The following TRIP10 variants were observed in gnomAD, a reference collection of about 807,000 sequenced individuals.
TRIP10 encodes the protein cdc42-interacting protein 4.
Under a neutral mutation model 80.9 loss-of-function variants are expected in TRIP10, and 54 were observed. That is an observed-to-expected ratio of 0.67 (90% CI 0.54 to 0.84). The LOEUF is 0.84. Among genes scored for constraint, TRIP10 ranks in the 40% least tolerant of loss-of-function variants. The probability of loss-of-function intolerance (pLI) is 0.00; values close to 1 mark genes in which losing one functional copy is unlikely to be tolerated. For missense variants in TRIP10, 773 were observed against 815.3 expected (o/e 0.95, Z 0.63); for synonymous variants, 321 against 307.2 (o/e 1.04, Z -0.47).
Position 6,744,871 on chromosome 19 carries a change from C to T in TRIP10, c.861C>T (p.Phe287=). 6.2e-7 allele frequency: 1 copy of T among 1,614,250 alleles called. No individual in the cohort carries two copies. Among genetic ancestry groups the T allele is most frequent in the Non-Finnish European group, 8.5e-7 (1 of 1,180,048 alleles). The change falls in exon 9 of 15, where the codon TTC becomes TTT. Residue 287 remains phenylalanine (F), a synonymous_variant. Coordinates refer to ENST00000313244, the MANE Select transcript of TRIP10 (RefSeq NM_001288962.2). This position sits in a 1 kb window ranked among gnomAD's most constrained non-coding sequence, Gnocchi z 4.9. Reference sequence around the variant, plus strand: ...CGGGCGACGTGGAATTCGAGGACTTCAGCCAGCCCATGAACCGTGCACCCT... The same window carrying T: ...CGGGCGACGTGGAATTCGAGGACTTTAGCCAGCCCATGAACCGTGCACCCT... ...ARPGDVEFED[F]SQPMNRAPSD...
In TRIP10 at chr19:6,745,915, C is replaced by T. The variant is rs1190097383; in HGVS notation, c.985-114C>T. On this transcript the variant is annotated intron_variant, in intron 9 of 14. Transcript: ENST00000313244. The surrounding 1 kb of genome is among the most constrained non-coding windows in gnomAD (Gnocchi z 7.2). ...TTGTTTTTCCTTTTTCCTTTTTTTG[C>T]GTCCATCCGTCCATCCGTGCGTCCA... The T allele has an allele frequency of 1.4e-5, 17 of 1,230,254 alleles. No homozygotes were observed. The highest frequency in any genetic ancestry group is 8.1e-5 in the Admixed American group (2 of 24,768). 76.2% of individuals were successfully genotyped at this position (1,230,254 alleles called of 1,614,324 possible). A position where few individuals can be genotyped will look rare whatever the true frequency, so the allele number is the denominator to read the frequency against.
chr19:6,740,334 A>G (rs1446377982), intron 1 of TRIP10, among the ~76,000 whole-genome samples: 1 of 152,092 alleles, frequency 6.6e-6, no homozygotes, highest in African/African-American at 2.4e-5. Flanking sequence ...CCCCAGGCCC[A>G]GGGCGGGACC....
rs1398175315 is a variant in TRIP10, at chr19:6,741,287, G to T, written c.197+6G>T. 6.8e-6 allele frequency: 11 copies of T among 1,606,306 alleles called. No homozygotes were observed. The highest frequency in any genetic ancestry group is 1.7e-5 in the Admixed American group (1 of 58,242). On this transcript the variant is annotated splice_donor_region_variant and intron_variant, in intron 3 of 14. Coordinates refer to ENST00000313244, the MANE Select transcript of TRIP10 (RefSeq NM_001288962.2). The stretch of plus-strand genomic sequence containing the variant: ...AAGGATGATCCTGAGTCCAAGTAAG[G>T]TTGGAGAGGGGCTGCAGGGCTAGAT...
At position 6,746,542 on chromosome 19, in the gene TRIP10, CAGA is replaced by C; in HGVS notation, c.1246_1248del (p.Lys416del). On this transcript the variant is annotated inframe_deletion, in exon 11 of 15. Transcript: ENST00000313244. The surrounding 1 kb of genome is among the most constrained non-coding windows in gnomAD (Gnocchi z 6.2). ...GTTGGAAGAACGCAGTCGTGAACTTCAGAAGGAGGTTGACCAGAGGTAAGGTGG... is the reference window on the plus strand; with the variant it reads ...GTTGGAAGAACGCAGTCGTGAACTTCAGGAGGTTGACCAGAGGTAAGGTGG... 1 of 1,614,074 alleles carries C rather than the reference CAGA, an allele frequency of 6.2e-7. No homozygotes were observed. The highest frequency in any genetic ancestry group is 1.3e-5 in the African/African-American group (1 of 75,018).
At position 6,745,464 on chromosome 19, in the gene TRIP10, C is replaced by G. The variant is rs956828840; in HGVS notation, c.984+470C>G. Among the ~76,000 whole-genome samples, 2 of 152,170 alleles carry G rather than the reference C, an allele frequency of 1.3e-5. No individual in the cohort carries two copies. The highest frequency in any genetic ancestry group is 4.8e-5 in the African/African-American group (2 of 41,432). On this transcript the variant is annotated intron_variant, in intron 9 of 14. Coordinates refer to ENST00000313244, the MANE Select transcript of TRIP10 (RefSeq NM_001288962.2). The surrounding 1 kb of genome is among the most constrained non-coding windows in gnomAD (Gnocchi z 7.2). ...TCTTCACTTACACTCTCATACCTCT[C>G]CTTGACTTAACACCTGTGATCCCCG...
chr19:6,747,881 A>C (rs917709359), intron 11 of TRIP10, among the ~76,000 whole-genome samples: 1 of 151,922 alleles, frequency 6.6e-6, no homozygotes. Context: ...GGGTAGAAGG[A>C]TCACTCACTT....
In TRIP10 at chr19:6,751,160, G is replaced by T; in HGVS notation, c.1755G>T (p.Glu585Asp). ...GDGWTRVRRK[E>D]GGEGYVPTSY... The stretch of plus-strand genomic sequence containing the variant: ...GCTGGACCCGGGTCAGGCGGAAAGA[G>T]GGAGGCGAGGGCTACGTGCCCACCT... The change falls in exon 15 of 15, where the codon GAG (glutamate) becomes GAT (aspartate). Residue 585 changes from glutamate (E) to aspartate (D), a missense_variant. Glu to Asp is a conservative substitution (Grantham distance 45). Coordinates refer to ENST00000313244, the MANE Select transcript of TRIP10 (RefSeq NM_001288962.2). The T allele has an allele frequency of 1.9e-6, 3 of 1,613,866 alleles. No homozygotes were observed. Among genetic ancestry groups the T allele is most frequent in the Non-Finnish European group, 2.5e-6 (3 of 1,179,938 alleles).
At chr19:6,747,093 G>A (rs1034687482) in intron 11 of TRIP10, among the ~76,000 whole-genome samples, 6 of 152,220 alleles carry the variant, frequency 3.9e-5, no homozygotes, top group African/African-American at 1.4e-4. Context: ...GGAGGTTGAG[G>A]CAGGAGGATC....
At position 6,744,917 on chromosome 19, in the gene TRIP10, C is replaced by T. The variant is rs958434325; in HGVS notation, c.907C>T (p.Pro303Ser). Residue 303 changes from proline to serine, a missense_variant, in exon 9 of 15, where the codon CCC becomes TCC. Transcript: ENST00000313244. The surrounding 1 kb of genome is among the most constrained non-coding windows in gnomAD (Gnocchi z 4.9). ...ACCCTCCGACAGCAGTCTGGGCACC[C>T]CCTCGGATGGACGGCCTGAACTCCG... ...RAPSDSSLGT[P>S]SDGRPELRGP... 2 of 1,614,172 alleles carry T rather than the reference C, an allele frequency of 1.2e-6. No individual in the cohort carries two copies. Among genetic ancestry groups the T allele is most frequent in the Admixed American group, 3.3e-5 (2 of 60,026 alleles).
At position 6,750,326 on chromosome 19, in the gene TRIP10, GCAACCGGGGAGA is replaced by G; in HGVS notation, c.1433_1444del (p.Asn478_Asp481del). On this transcript the variant is annotated inframe_deletion, in exon 13 of 15. Coordinates refer to ENST00000313244, the MANE Select transcript of TRIP10 (RefSeq NM_001288962.2). ...GCAGAAGCTGAAAGTCGAGTCCTTA[GCAACCGGGGAGA>G]CAGCCTGAGCCGGCACGCCCGGCCT... The G allele has an allele frequency of 6.2e-7, 1 of 1,614,066 alleles. No individual in the cohort carries two copies. The highest frequency in any genetic ancestry group is 8.5e-7 in the Non-Finnish European group (1 of 1,180,012).
In TRIP10 at chr19:6,751,425, G is replaced by T; in HGVS notation, c.*214G>T. The T allele has an allele frequency of 8.6e-7, 1 of 1,158,784 alleles. No individual in the cohort carries two copies. The highest frequency in any genetic ancestry group is 3.4e-5 in the South Asian group (1 of 29,278). 71.8% of individuals were successfully genotyped at this position (1,158,784 alleles called of 1,614,324 possible). A position where few individuals can be genotyped will look rare whatever the true frequency, so the allele number is the denominator to read the frequency against. ...TTCCACCATTGATGTACATACTCAT[G>T]TTTTACATCTTTTCTTTCTGCCGCT... On this transcript the variant is annotated 3_prime_UTR_variant, in exon 15 of 15. Coordinates refer to ENST00000313244, the MANE Select transcript of TRIP10 (RefSeq NM_001288962.2).
In TRIP10 at chr19:6,744,001, C is replaced by T; in HGVS notation, c.642+165C>T. The T allele has an allele frequency of 1.1e-6, 1 of 948,990 alleles. No individual in the cohort carries two copies. The highest frequency in any genetic ancestry group is 1.7e-5 in the South Asian group (1 of 60,426). 58.8% of individuals were successfully genotyped at this position (948,990 alleles called of 1,614,324 possible). ...CTGTGCTTTTAGTCAGCTGTTCTTC[C>T]TGCTGGGCATGCCTTTTACTTGTTT... is the stretch of plus-strand genomic sequence containing the variant. On this transcript the variant is annotated intron_variant, in intron 7 of 14. Coordinates refer to ENST00000313244, the MANE Select transcript of TRIP10 (RefSeq NM_001288962.2). The surrounding 1 kb of genome is among the most constrained non-coding windows in gnomAD (Gnocchi z 4.9).
At chr19:6,741,482 A>G (rs747540323) in intron 3 of TRIP10, among the ~76,000 whole-genome samples, 5 of 152,054 alleles carry the variant, frequency 3.3e-5, no homozygotes, top group Non-Finnish European at 7.4e-5. Context: ...TGGGCTTGTG[A>G]CTCAGGTTTT....
chr19:6,743,719 A>T lies in TRIP10; in HGVS notation c.525A>T (p.Gln175His). 2 of 1,614,090 alleles carry T rather than the reference A, an allele frequency of 1.2e-6. No individual in the cohort carries two copies. The highest frequency in any genetic ancestry group is 1.7e-6 in the Non-Finnish European group (2 of 1,179,998). ...TCTGCATTCTTCAGGCCAAGCAGCA[A>T]GCCCACCTTCGGAGTCACATGGCCG... ...TKADVEKAKQ[Q>H]AHLRSHMAEE... Residue 175 changes from glutamine to histidine, a missense_variant, in exon 7 of 15, where the codon CAA (glutamine) becomes CAT (histidine). Gln to His is a conservative substitution (Grantham distance 24). Transcript: ENST00000313244.
intron 11 of TRIP10, chr19:6,748,199 A>G (rs1969191420): frequency 6.6e-6 from 1 of 152,230 alleles, no homozygotes; most frequent in Non-Finnish European, 1.5e-5. Flanking sequence ...TTTCCAGGCA[A>G]CAAAATCCTC....
At chr19:6,750,140 G>C in intron 12 of TRIP10, 74 bp downstream of exon 12, 1 of 1,546,458 alleles carries the variant, frequency 6.5e-7, no homozygotes, top group Non-Finnish European at 8.8e-7. Flanking sequence ...GTGGGGGGTC[G>C]GGGACAGGGG....
chr19:6,743,091 G>C lies in TRIP10; in HGVS notation c.322G>C (p.Glu108Gln). Residue 108 changes from glutamate to glutamine, a missense_variant, in exon 4 of 15, where the codon GAG (glutamate) becomes CAG (glutamine). Physicochemically the swap from Glu to Gln is conservative, Grantham distance 29 (BLOSUM62 2). Coordinates refer to ENST00000313244, the MANE Select transcript of TRIP10 (RefSeq NM_001288962.2). ...VCLELTKYSQ[E>Q]MKQERKMHFQ... ...TCTTGAGCTGACCAAGTACTCACAAGAGATGAAACAGGAGAGGAAGATGGT... is the reference window on the plus strand; with the variant it reads ...TCTTGAGCTGACCAAGTACTCACAACAGATGAAACAGGAGAGGAAGATGGT... The C allele has an allele frequency of 6.2e-7, 1 of 1,614,212 alleles. No homozygotes were observed. Among genetic ancestry groups the C allele is most frequent in the Non-Finnish European group, 8.5e-7 (1 of 1,180,048 alleles).
intron 3 of TRIP10, among the ~76,000 whole-genome samples, chr19:6,742,702 A>T (rs144770558): frequency 1.3e-5 from 2 of 149,546 alleles, no homozygotes; most frequent in Non-Finnish European, 3.0e-5. Flanking sequence ...GGATCACTTG[A>T]GCCCAGGAGT....
chr19:6,745,515 C>T lies in TRIP10; in HGVS notation c.985-514C>T. 1 of 958,412 alleles carries T rather than the reference C, an allele frequency of 1.0e-6. No homozygotes were observed. The highest frequency in any genetic ancestry group is 1.2e-6 in the Non-Finnish European group (1 of 805,432). The allele number at this position is 958,412 out of a possible 1,614,324, so 59.4% of individuals were successfully genotyped here. On this transcript the variant is annotated intron_variant, in intron 9 of 14. Coordinates refer to ENST00000313244, the MANE Select transcript of TRIP10 (RefSeq NM_001288962.2). This position sits in a 1 kb window ranked among gnomAD's most constrained non-coding sequence, Gnocchi z 7.2. The stretch of plus-strand genomic sequence containing the variant: ...AGCTTAAACTTCTGATGCCCCTAAC[C>T]CCTCTCATTTTCCTGCCTTCCACTC...
Sources: gnomAD v4.1 joint callset for allele counts (sites outside exome capture counted in the v4.1 genomes callset) on GRCh38, gnomAD v4.1.1 for gene constraint, Gnocchi (gnomAD v3.1) non-coding constraint, MANE v1.5 for transcripts, NCBI Gene and HGNC (gene_info 2026-07-23, HGNC 2026-07-21) for gene names.